The following ZNF385D variants were observed in gnomAD, a reference collection of about 807,000 sequenced individuals.
ZNF385D encodes the protein zinc finger protein 659.
Under a neutral mutation model 35.8 loss-of-function variants are expected in ZNF385D, and 15 were observed. The observed-to-expected ratio is 0.42, with a 90% CI of 0.28 to 0.64. The LOEUF (loss-of-function observed/expected upper bound fraction) is 0.64. Among genes scored for constraint, ZNF385D ranks in the 30% least tolerant of loss-of-function variants. ZNF385D has a pLI of 0.23. For synonymous variants in ZNF385D, 212 were observed against 186.8 expected (o/e 1.13, Z -1.10); for missense variants, 474 against 494.6 (o/e 0.96, Z 0.39).
intron 3 of ZNF385D, among the ~76,000 whole-genome samples, chr3:22,136,453 T>C (rs1013796859): frequency 1.9e-4 from 29 of 151,308 alleles, no homozygotes; most frequent in Admixed American, 1.3e-3. Context: ...GTTAAACACA[T>C]TGCTAAAAAA....
chr3:22,300,842 A>C (rs79091331), intron 2 of ZNF385D, among the ~76,000 whole-genome samples: 2 of 152,018 alleles, frequency 1.3e-5, no homozygotes, highest in East Asian at 3.9e-4. Context: ...TGATGGGAAT[A>C]TAAATTAGTA....
chr3:22,098,157 A>T (rs1324616773), intron 3 of ZNF385D, among the ~76,000 whole-genome samples: 1 of 152,096 alleles, frequency 6.6e-6, no homozygotes. Context: ...CAGGAAGTTG[A>T]GTTCAAGATA....
chr3:21,735,628 T>G (rs767646480), intron 1 of ZNF385D, among the ~76,000 whole-genome samples: 49 of 152,122 alleles, frequency 3.2e-4, no homozygotes, highest in Non-Finnish European at 2.2e-4. Flanking sequence ...GACGCTAGAC[T>G]GATTTCTACA....
At chr3:22,244,717 A>T (rs1405253392) in intron 2 of ZNF385D, among the ~76,000 whole-genome samples, 1 of 151,128 alleles carries the variant, frequency 6.6e-6, no homozygotes, top group Admixed American at 6.6e-5. Context: ...ATTTCAGAAA[A>T]CTTCCAAATG....
chr3:22,350,129 A>G (rs149061094), intron 2 of ZNF385D, among the ~76,000 whole-genome samples: 41 of 152,282 alleles, frequency 2.7e-4, no homozygotes, highest in African/African-American at 8.9e-4. Flanking sequence ...GTCCAATACA[A>G]TACTGCTTCC....
intron 4 of ZNF385D, among the ~76,000 whole-genome samples, chr3:21,496,415 A>T (rs1705860830): frequency 6.9e-6 from 1 of 145,478 alleles, no homozygotes; most frequent in Non-Finnish European, 1.5e-5. Flanking sequence ...CATATATTTG[A>T]TATATATATC....
intron 3 of ZNF385D, among the ~76,000 whole-genome samples, chr3:21,842,821 T>G (rs1443043993): frequency 6.6e-6 from 1 of 152,070 alleles, no homozygotes; most frequent in Non-Finnish European, 1.5e-5. Context: ...AAAAATTATT[T>G]TGATAAGGAC....
intron 3 of ZNF385D, among the ~76,000 whole-genome samples, chr3:21,813,426 C>A (rs1036833409): frequency 6.6e-6 from 1 of 152,150 alleles, no homozygotes; most frequent in Non-Finnish European, 1.5e-5. Context: ...GATGTCTGAA[C>A]CCATCGCAAA....
intron 2 of ZNF385D, among the ~76,000 whole-genome samples, chr3:21,645,761 A>G (rs13080106): frequency 0.63 from 96,323 of 151,936 alleles, 31,071 homozygotes; most frequent in Non-Finnish European, 0.67. Context: ...ACAACTGGAC[A>G]AAGGTAGTAT....
At chr3:22,150,898 A>G (rs1705183863) in intron 3 of ZNF385D, among the ~76,000 whole-genome samples, 1 of 152,140 alleles carries the variant, frequency 6.6e-6, no homozygotes, top group Non-Finnish European at 1.5e-5. Flanking sequence ...TTCCTGGGAA[A>G]ATTTATGTCA....
At chr3:21,561,110 C>T (rs2062929835) in intron 3 of ZNF385D, among the ~76,000 whole-genome samples, 1 of 152,216 alleles carries the variant, frequency 6.6e-6, no homozygotes, top group Non-Finnish European at 1.5e-5. Flanking sequence ...CCGAGCCAGA[C>T]CACTTGGTTC....
intron 3 of ZNF385D, among the ~76,000 whole-genome samples, chr3:21,828,772 A>G (rs571697022): frequency 6.6e-6 from 1 of 150,538 alleles, no homozygotes; most frequent in African/African-American, 2.4e-5. Context: ...TACTGCACTG[A>G]ATTCAACGTA....
intron 1 of ZNF385D, among the ~76,000 whole-genome samples, chr3:21,706,803 AAGATAAT>A (rs1001400204): frequency 2.0e-5 from 3 of 148,780 alleles, no homozygotes; most frequent in Non-Finnish European, 4.5e-5. Flanking sequence ...GATAGACACA[AAGATAAT>A]AGATGATAGA....
intron 3 of ZNF385D, among the ~76,000 whole-genome samples, chr3:21,527,220 C>CA (rs950038930): frequency 3.0e-4 from 46 of 151,830 alleles, no homozygotes; most frequent in African/African-American, 1.0e-3. Flanking sequence ...TATTATTATA[C>CA]AAAAAAAATG....
At chr3:21,543,169 G>A (rs1421409942) in intron 3 of ZNF385D, among the ~76,000 whole-genome samples, 7 of 152,102 alleles carry the variant, frequency 4.6e-5, no homozygotes, top group African/African-American at 1.7e-4. Flanking sequence ...AAAATAAGCC[G>A]GTGTGGTGGC....
chr3:21,841,822 A>T (rs2125788324), intron 3 of ZNF385D, among the ~76,000 whole-genome samples: 1 of 151,844 alleles, frequency 6.6e-6, no homozygotes, highest in Admixed American at 6.6e-5. Context: ...AAGTTTGTAA[A>T]TTCGCAATTC....
At chr3:21,847,010 T>C (rs1181983421) in intron 3 of ZNF385D, among the ~76,000 whole-genome samples, 1 of 152,046 alleles carries the variant, frequency 6.6e-6, no homozygotes, top group Non-Finnish European at 1.5e-5. Context: ...CCAGGCCTTC[T>C]CAAGCCCCAA....
Position 21,412,645 on chromosome 3 carries a change from T to C in ZNF385D, c.*8569A>G, listed in dbSNP as rs1369407232. On this transcript the variant is annotated 3_prime_UTR_variant, in exon 8 of 8. Coordinates refer to ENST00000281523, the MANE Select transcript of ZNF385D (RefSeq NM_024697.3). ...TTTTGATATTGTCAAAGAGAGAGGA[T>C]ATAATGGCTAAGGATGTTCCTAGAG... The C allele has an allele frequency of 1.3e-5, 2 of 152,038 alleles. No homozygotes were observed. The highest frequency in any genetic ancestry group is 4.8e-5 in the African/African-American group (2 of 41,408). 9.4% of individuals were successfully genotyped at this position (152,038 alleles called of 1,614,324 possible).
At chr3:21,868,700 GT>G (rs1288726567) in intron 3 of ZNF385D, among the ~76,000 whole-genome samples, 6 of 152,182 alleles carry the variant, frequency 3.9e-5, no homozygotes, top group African/African-American at 1.2e-4. Context: ...CATGTAAAGC[GT>G]ATTAGTTCAC....
Sources: allele counts gnomAD v4.1 joint callset (sites outside exome capture counted in the v4.1 genomes callset), GRCh38; gene constraint gnomAD v4.1.1; transcripts MANE v1.5; gene names NCBI Gene and HGNC (gene_info 2026-07-23, HGNC 2026-07-21).